The following PALS1 variants were observed in gnomAD, a reference collection of about 807,000 sequenced individuals.
PALS1 encodes protein PALS1.
Under a neutral mutation model 78.9 loss-of-function variants are expected in PALS1, and 31 were observed. That is an observed-to-expected ratio of 0.39 (90% confidence interval 0.30 to 0.53). The LOEUF is 0.53. PALS1 is among the 20% of genes least tolerant of loss of function. PALS1 has a pLI of 0.67. For missense variants in PALS1, 704 were observed against 826.5 expected, an observed-to-expected ratio of 0.85 and a Z score of 1.82; for synonymous variants, 276 against 270.9, an observed-to-expected ratio of 1.02 and a Z score of -0.18.
At chr14:67,287,286 A>G (rs575151339) in intron 3 of PALS1, among the ~76,000 whole-genome samples, 1 of 150,322 alleles carries the variant, frequency 6.7e-6, no homozygotes, top group East Asian at 2.0e-4. Context: ...GTGGCAAAAT[A>G]GGTCTTTTAC....
intron 1 of PALS1, among the ~76,000 whole-genome samples, chr14:67,267,044 G>T (rs1377497753): frequency 6.6e-6 from 1 of 151,920 alleles, no homozygotes; most frequent in Non-Finnish European, 1.5e-5. Context: ...GGAGGCAGAG[G>T]TTCCAGTGAG....
chr14:67,263,120 A>G (rs2084264449), intron 1 of PALS1, among the ~76,000 whole-genome samples: 1 of 152,124 alleles, frequency 6.6e-6, no homozygotes, highest in African/African-American at 2.4e-5. Context: ...AATATTTCCA[A>G]AGGCCTTCAA....
At chr14:67,322,017 C>A (rs1052459960) in intron 13 of PALS1, among the ~76,000 whole-genome samples, 1 of 152,048 alleles carries the variant, frequency 6.6e-6, no homozygotes, top group Non-Finnish European at 1.5e-5. Flanking sequence ...AATAATGAGA[C>A]CTCAGTTTCA....
intron 3 of PALS1, among the ~76,000 whole-genome samples, chr14:67,289,707 C>T (rs1441127224): frequency 1.3e-5 from 2 of 150,520 alleles, no homozygotes; most frequent in African/African-American, 4.9e-5. Flanking sequence ...AGTGGTGTTT[C>T]TGCAGACCTT....
intron 4 of PALS1, chr14:67,295,102 GAA>G (rs2084827603): frequency 7.7e-6 from 1 of 129,446 alleles, no homozygotes; most frequent in African/African-American, 3.7e-5. Flanking sequence ...TTGAGATATT[GAA>G]GTGTGTGTGT....
chr14:67,324,136 AG>A (rs2141010872), intron 14 of PALS1, among the ~76,000 whole-genome samples: 1 of 152,320 alleles, frequency 6.6e-6, no homozygotes, highest in East Asian at 1.9e-4. Flanking sequence ...CCACATTTTC[AG>A]GGAGCCAAAT....
At chr14:67,244,265 A>G (rs1007577361) in intron 1 of PALS1, among the ~76,000 whole-genome samples, 1 of 152,180 alleles carries the variant, frequency 6.6e-6, no homozygotes, top group African/African-American at 2.4e-5. Context: ...ATGTATACCT[A>G]CCTATAAGTG....
rs114611101 is a variant in PALS1, at chr14:67,301,862, T to C, written c.655-110T>C. ...CTTTATTATTAGCTCTAATTAATTA[T>C]AACACTTTTAAAGATTTAATGGTCA... On this transcript the variant is annotated intron_variant, in intron 5 of 14. Coordinates refer to ENST00000261681, the MANE Select transcript of PALS1 (RefSeq NM_022474.4). 1.8e-3 allele frequency: 2,112 copies of C among 1,203,318 alleles called. 17 individuals carry two copies. Among genetic ancestry groups the C allele is most frequent in the African/African-American group, 0.016 (1,049 of 63,660 alleles). 74.5% of individuals were successfully genotyped at this position (1,203,318 alleles called of 1,614,324 possible). A position where few individuals can be genotyped will look rare whatever the true frequency, so the allele number is the denominator to read the frequency against.
intron 7 of PALS1, 109 bp downstream of exon 7, chr14:67,302,680 G>T: frequency 1.1e-6 from 1 of 873,544 alleles, no homozygotes; most frequent in Non-Finnish European, 1.6e-6. Flanking sequence ...ATGATTTCTA[G>T]CCTGATTTTT....
At chr14:67,250,667 G>C (rs2084051541) in intron 1 of PALS1, among the ~76,000 whole-genome samples, 1 of 152,208 alleles carries the variant, frequency 6.6e-6, no homozygotes, top group Non-Finnish European at 1.5e-5. Flanking sequence ...CTCTGATCCA[G>C]GTGATTCATC....
intron 1 of PALS1, among the ~76,000 whole-genome samples, chr14:67,260,484 A>G (rs370805749): frequency 6.6e-6 from 1 of 152,242 alleles, no homozygotes; most frequent in Non-Finnish European, 1.5e-5. Context: ...GGGGCTTGCA[A>G]TTAATAGACA....
In PALS1 at chr14:67,312,696, C is replaced by G; in HGVS notation, c.1211C>G (p.Ala404Gly). 6.2e-7 allele frequency: 1 copy of G among 1,607,900 alleles called. No individual in the cohort carries two copies. The highest frequency in any genetic ancestry group is 8.5e-7 in the Non-Finnish European group (1 of 1,176,770). The change falls in exon 9 of 15, where the codon GCC (alanine) becomes GGC (glycine). Residue 404 changes from alanine (A) to glycine (G), a missense_variant. Transcript: ENST00000261681. ...GGGGACGAAGATAATCAACCTCTAGCCGGGCTTGTTCCAGGTAAGACACAA... is the reference window on the plus strand; with the variant it reads ...GGGGACGAAGATAATCAACCTCTAGGCGGGCTTGTTCCAGGTAAGACACAA... ...REGDEDNQPLAGLVPGKSFQQ... is the reference protein window; with the variant it reads ...REGDEDNQPLGGLVPGKSFQQ...
chr14:67,292,723 T>C lies in PALS1; in HGVS notation c.576+4T>C. 1 of 1,611,510 alleles carries C rather than the reference T, an allele frequency of 6.2e-7. No individual in the cohort carries two copies. Among genetic ancestry groups the C allele is most frequent in the South Asian group, 1.1e-5 (1 of 90,894 alleles). On this transcript the variant is annotated splice_donor_region_variant and intron_variant, in intron 4 of 14. Coordinates refer to ENST00000261681, the MANE Select transcript of PALS1 (RefSeq NM_022474.4). Reference sequence around the variant, plus strand: ...CGCACAAGATCTTGCTCAAGAGGTATGTATTCTAAACATCTTGTTGATGTC... The same window carrying C: ...CGCACAAGATCTTGCTCAAGAGGTACGTATTCTAAACATCTTGTTGATGTC...
At chr14:67,328,256 G>A (rs1372462334) in intron 14 of PALS1, among the ~76,000 whole-genome samples, 3 of 152,186 alleles carry the variant, frequency 2.0e-5, no homozygotes, top group African/African-American at 7.2e-5. Context: ...TTTTTCATGT[G>A]TCTGTTGGCT....
chr14:67,304,192 T>TC (rs1441233080), intron 8 of PALS1: 4 of 152,632 alleles, frequency 2.6e-5, no homozygotes, highest in African/African-American at 9.6e-5. Context: ...AAAGTATGTG[T>TC]AACCCTTCTT....
At chr14:67,331,321 A>G (rs1283358175) in intron 14 of PALS1, among the ~76,000 whole-genome samples, 4 of 152,226 alleles carry the variant, frequency 2.6e-5, no homozygotes, top group Non-Finnish European at 5.9e-5. Flanking sequence ...CTGAGATTAC[A>G]GGCGGGGGAG....
Position 67,332,885 on chromosome 14 carries a change from C to G in PALS1, c.1957C>G (p.Gln653Glu), listed in dbSNP as rs770018731. 6.2e-7 allele frequency: 1 copy of G among 1,614,062 alleles called. No individual in the cohort carries two copies. Among genetic ancestry groups the G allele is most frequent in the Non-Finnish European group, 8.5e-7 (1 of 1,179,968 alleles). ...GAATTCCGATCTTGATAAAGCCTAT[C>G]AGGAATTGCTTAGGTTAATTAACAA... ...IVNSDLDKAY[Q>E]ELLRLINKLD... Residue 653 changes from glutamine to glutamate, a missense_variant, in exon 15 of 15, where the codon CAG becomes GAG. Transcript: ENST00000261681.
At chr14:67,295,112 T>TGTGTGTGC (rs1555336717) in intron 4 of PALS1, 2 of 151,442 alleles carry the variant, frequency 1.3e-5, no homozygotes, top group African/African-American at 4.9e-5. Flanking sequence ...GAAGTGTGTG[T>TGTGTGTGC]GTGTGTGTGT....
intron 3 of PALS1, among the ~76,000 whole-genome samples, chr14:67,282,031 A>T (rs1359776551): frequency 6.6e-6 from 1 of 152,160 alleles, no homozygotes; most frequent in Non-Finnish European, 1.5e-5. Flanking sequence ...GGATAGGAGA[A>T]GATGTATTTT....
Sources: gnomAD v4.1 joint callset for allele counts (sites outside exome capture counted in the v4.1 genomes callset) on GRCh38, gnomAD v4.1.1 for gene constraint, MANE v1.5 for transcripts, NCBI Gene and HGNC (gene_info 2026-07-23, HGNC 2026-07-21) for gene names.